HOMER3: variants seen among roughly 807,000 people sequenced by gnomAD.
HOMER3 encodes homer scaffold protein 3, also known as homer protein homolog 3.
HOMER3 carries 34 observed loss-of-function variants against 45.5 expected under a neutral mutation model. The ratio of observed to expected loss-of-function variants is 0.75; its 90% CI spans 0.57 to 1.00. The LOEUF (loss-of-function observed/expected upper bound fraction) is 1.00, where lower values mean the gene tolerates loss of function less well. HOMER3 is among the 50% of genes least tolerant of loss of function. The pLI, the probability that HOMER3 is intolerant of heterozygous loss-of-function variation, is 0.00. For missense variants in HOMER3, 480 were observed against 497.5 expected (o/e 0.96, Z 0.33); for synonymous variants, 223 against 208.8 (o/e 1.07, Z -0.58).
At chr19:18,930,014 C>G (rs1033822683) in intron 9 of HOMER3, among the ~76,000 whole-genome samples, 1 of 151,970 alleles carries the variant, frequency 6.6e-6, no homozygotes, top group Non-Finnish European at 1.5e-5. Flanking sequence ...CTTTGGGAGG[C>G]GGAGGCAGGT....
chr19:18,932,111 C>T lies in HOMER3; in HGVS notation c.555G>A (p.Trp185Ter). Residue 185 changes from tryptophan to a stop codon, truncating the protein, a stop_gained, in exon 7 of 10, where the codon TGG (tryptophan) becomes TGA (stop). Transcript: ENST00000392351. LOFTEE classifies it high-confidence loss of function. The stretch of plus-strand genomic sequence containing the variant: ...CCTGCAGTGCGAAAAACTCGGCCTC[C>T]CACTGTACCTCGCCCACGGAGCTGC... ...LSEGSVGEVQ[W>*]EAEFFALQDS... 1.3e-6 allele frequency: 2 copies of T among 1,569,130 alleles called. No homozygotes were observed. The highest frequency in any genetic ancestry group is 1.7e-6 in the Non-Finnish European group (2 of 1,159,302).
rs188112643 is a variant in HOMER3, at chr19:18,939,321, G to A, written c.-67-272C>T. 4.6e-3 allele frequency: 1,305 copies of A among 284,780 alleles called. 11 individuals carry two copies. The highest frequency in any genetic ancestry group is 0.026 in the African/African-American group (1,220 of 46,198). The allele number at this position is 284,780 out of a possible 1,614,324, so 17.6% of individuals were successfully genotyped here. On this transcript the variant is annotated intron_variant, in intron 1 of 9. Coordinates refer to ENST00000392351, the MANE Select transcript of HOMER3 (RefSeq NM_004838.4). ...CTGGGTGTGGTGGCATGTGCCTGCC[G>A]TCCCAGCTACTGGGGAGGCTGAGGT...
At chr19:18,938,704 G>GCCCCC in intron 3 of HOMER3, 24 bp downstream of exon 3, 3 of 1,561,856 alleles carry the variant, frequency 1.9e-6, no homozygotes, top group Non-Finnish European at 2.6e-6. Flanking sequence ...TGGTGCCTCT[G>GCCCCC]CCCCACCCAG....
intron 4 of HOMER3, among the ~76,000 whole-genome samples, chr19:18,935,873 A>G (rs1301863838): frequency 6.6e-6 from 1 of 151,170 alleles, no homozygotes; most frequent in East Asian, 1.9e-4. Flanking sequence ...CACAAAAATT[A>G]GCCAGGCATG....
In HOMER3 at chr19:18,934,304, T is replaced by TG; in HGVS notation, c.409dup (p.Gln137ProfsTer25). 6 of 1,511,776 alleles carry TG rather than the reference T, an allele frequency of 4.0e-6. No individual in the cohort carries two copies. Among genetic ancestry groups the TG allele is most frequent in the Non-Finnish European group, 5.3e-6 (6 of 1,127,180 alleles). The allele number at this position is 1,511,776 out of a possible 1,614,324, so 93.6% of individuals were successfully genotyped here. A position where few individuals can be genotyped will look rare whatever the true frequency, so the allele number is the denominator to read the frequency against. On this transcript the variant is annotated frameshift_variant and splice_region_variant, in exon 5 of 10. Coordinates refer to ENST00000392351, the MANE Select transcript of HOMER3 (RefSeq NM_004838.4). LOFTEE classifies it high-confidence loss of function. ...CATAGGGGAGTAGGGAGTGCTGACC[T>TG]GGTGGGAGGCGAGCCCCAGGGCTGG...
chr19:18,937,688 A>G (rs1343921169), intron 4 of HOMER3, among the ~76,000 whole-genome samples: 1 of 151,846 alleles, frequency 6.6e-6, no homozygotes, highest in Non-Finnish European at 1.5e-5. Context: ...AAAAAAAAAA[A>G]AAAGAAGAAG....
At chr19:18,940,527 G>C (rs968255638) in intron 1 of HOMER3, 5 of 152,302 alleles carry the variant, frequency 3.3e-5, no homozygotes, top group Non-Finnish European at 7.3e-5. Context: ...ACTCCGGGAC[G>C]CGGGCTCTGA....
In HOMER3 at chr19:18,932,138, G is replaced by C; in HGVS notation, c.534-6C>G. Reference sequence around the variant, plus strand: ...ACTGTACCTCGCCCACGGAGCTGCAGAGACACGAGGGTCGGCAGTGGGTGA... The same window carrying C: ...ACTGTACCTCGCCCACGGAGCTGCACAGACACGAGGGTCGGCAGTGGGTGA... On this transcript the variant is annotated splice_region_variant and splice_polypyrimidine_tract_variant and intron_variant, in intron 6 of 9. Transcript: ENST00000392351. 1 of 1,534,994 alleles carries C rather than the reference G, an allele frequency of 6.5e-7. No homozygotes were observed. Among genetic ancestry groups the C allele is most frequent in the South Asian group, 1.2e-5 (1 of 83,450 alleles).
chr19:18,941,212 G>C lies in HOMER3; in HGVS notation c.-229C>G, dbSNP rs867746392. 0.027 allele frequency: 4,058 copies of C among 147,714 alleles called. 92 individuals carry two copies. The highest frequency in any genetic ancestry group is 0.044 in the Non-Finnish European group (2,884 of 66,046). 9.2% of individuals were successfully genotyped at this position (147,714 alleles called of 1,614,324 possible). On this transcript the variant is annotated 5_prime_UTR_variant, in exon 1 of 10. Coordinates refer to ENST00000392351, the MANE Select transcript of HOMER3 (RefSeq NM_004838.4). ...CCGTGCCTTTGTCTGCGCCGCCGCC[G>C]CCCGCGCCGCCTCCGGTCCCATCGC...
At chr19:18,936,391 C>T (rs1048743955) in intron 4 of HOMER3, among the ~76,000 whole-genome samples, 1 of 150,958 alleles carries the variant, frequency 6.6e-6, no homozygotes, top group African/African-American at 2.4e-5. Flanking sequence ...AATCCCATCA[C>T]TTTGGGAGCC....
rs1412718751 is a variant in HOMER3 at position 18,929,252 on chromosome 19, G to A, written c.*191C>T. 14 of 768,124 alleles carry A rather than the reference G, an allele frequency of 1.8e-5. No homozygotes were observed. The highest frequency in any genetic ancestry group is 2.8e-5 in the Non-Finnish European group (12 of 421,446). 47.6% of individuals were successfully genotyped at this position (768,124 alleles called of 1,614,324 possible). A position where few individuals can be genotyped will look rare whatever the true frequency, so the allele number is the denominator to read the frequency against. On this transcript the variant is annotated 3_prime_UTR_variant, in exon 10 of 10. Transcript: ENST00000392351. Reference sequence around the variant, plus strand: ...ATCTAGAAATTCTACACAATGAGAAGCTCAAAAACAGCCCCAAAGCTGCCA... The same window carrying A: ...ATCTAGAAATTCTACACAATGAGAAACTCAAAAACAGCCCCAAAGCTGCCA...
intron 6 of HOMER3, 27 bp downstream of exon 6, chr19:18,932,897 G>GCCC: frequency 5.0e-6 from 2 of 403,896 alleles, no homozygotes; most frequent in Non-Finnish European, 7.4e-6. Flanking sequence ...CCCCGCCCCT[G>GCCC]CCACGCCCCC....
Position 18,929,558 on chromosome 19 carries a change from T to G in HOMER3, c.971A>C (p.Glu324Ala), listed in dbSNP as rs1298935208. ...CACCTCAGCCCGCGCCCGCTCCCGC[T>G]CTGCCCGTGCCTCCTCCAGGCTGCG... is the stretch of plus-strand genomic sequence containing the variant. ...MERSLEEARA[E>A]RERARAEVGR... Residue 324 changes from glutamate (E) to alanine (A), a missense_variant, in exon 10 of 10, where the codon GAG becomes GCG. Physicochemically the swap from Glu to Ala is moderately radical, Grantham distance 107. Coordinates refer to ENST00000392351, the MANE Select transcript of HOMER3 (RefSeq NM_004838.4). The G allele has an allele frequency of 6.4e-7, 1 of 1,552,038 alleles. No individual in the cohort carries two copies. Among genetic ancestry groups the G allele is most frequent in the Non-Finnish European group, 8.7e-7 (1 of 1,149,718 alleles).
chr19:18,929,500 C>T lies in HOMER3; in HGVS notation c.1029G>A (p.Leu343=), dbSNP rs1404495605. ...GRAAQLLDVS[L]FELSELREGL... ...CCTCACGCAGCTCACTCAGCTCAAA[C>T]AGGCTGACGTCCAGCAGCTGCGCTG... The change falls in exon 10 of 10, where the codon CTG becomes CTA. Residue 343 remains leucine, a synonymous_variant. Coordinates refer to ENST00000392351, the MANE Select transcript of HOMER3 (RefSeq NM_004838.4). 4 of 1,594,310 alleles carry T rather than the reference C, an allele frequency of 2.5e-6. No homozygotes were observed. The highest frequency in any genetic ancestry group is 3.4e-6 in the Non-Finnish European group (4 of 1,172,738).
intron 6 of HOMER3, 140 bp downstream of exon 6, chr19:18,932,784 C>T (rs1352320550): frequency 1.1e-5 from 7 of 649,612 alleles, no homozygotes; most frequent in Non-Finnish European, 1.7e-5. Flanking sequence ...GGGCAGCATT[C>T]AGATCCTCAT....
Position 18,929,310 on chromosome 19 carries a change from CA to C in HOMER3, c.*132del. 1 of 1,031,820 alleles carries C rather than the reference CA, an allele frequency of 9.7e-7. No individual in the cohort carries two copies. Among genetic ancestry groups the C allele is most frequent in the Non-Finnish European group, 1.5e-6 (1 of 662,748 alleles). The allele number at this position is 1,031,820 out of a possible 1,614,324, so 63.9% of individuals were successfully genotyped here. A position where few individuals can be genotyped will look rare whatever the true frequency, so the allele number is the denominator to read the frequency against. On this transcript the variant is annotated 3_prime_UTR_variant, in exon 10 of 10. Transcript: ENST00000392351. ...GAGCCGACTGGGGCCCACCCCAGCC[CA>C]GCCCGGCCCGGCCCACCCAGGGCTA...
At chr19:18,932,270 C>A in intron 6 of HOMER3, 138 bp from the exon 7 acceptor site, 2 of 472,952 alleles carry the variant, frequency 4.2e-6, no homozygotes, top group Non-Finnish European at 5.7e-6. Flanking sequence ...GGTGCGGAGT[C>A]GTGCGCGAAG....
chr19:18,932,820 A>G, intron 6 of HOMER3, 104 bp downstream of exon 6: 1 of 912,220 alleles, frequency 1.1e-6, no homozygotes, highest in African/African-American at 1.8e-5. Context: ...TTGAGTCCAC[A>G]GTTAGATCCC....
intron 5 of HOMER3, among the ~76,000 whole-genome samples, chr19:18,933,986 G>A (rs1368162242): frequency 2.0e-5 from 3 of 151,978 alleles, no homozygotes; most frequent in East Asian, 1.9e-4. Context: ...GATTACAGGC[G>A]TGAGCCACCG....
Sources: gnomAD v4.1 joint callset for allele counts (sites outside exome capture counted in the v4.1 genomes callset) on GRCh38, gnomAD v4.1.1 for gene constraint, MANE v1.5 for transcripts, NCBI Gene and HGNC (gene_info 2026-07-23, HGNC 2026-07-21) for gene names.